Variants in USP13 observed in about 807,000 individuals in gnomAD.
The protein encoded by USP13 is ubiquitin specific peptidase 13.
USP13 carries 68 observed loss-of-function variants against 107.8 expected under a neutral mutation model. The observed-to-expected ratio is 0.63, with a 90% CI of 0.52 to 0.77. USP13 has a LOEUF of 0.77. USP13 is among the 30% of genes least tolerant of loss of function. The pLI, the probability that USP13 is intolerant of heterozygous loss-of-function variation, is 0.00. For synonymous variants in USP13, 377 were observed against 389.5 expected (o/e 0.97, Z 0.38); for missense variants, 945 against 1,093.3 (o/e 0.86, Z 1.91).
In USP13 at chr3:179,775,461, T is replaced by G. The variant is rs577750341; in HGVS notation, c.2414-6278T>G. Among the ~76,000 whole-genome samples the G allele has an allele frequency of 6.6e-5, 10 of 152,378 alleles. No homozygotes were observed. The South Asian group carries it at 2.1e-3, about 32-fold the overall frequency. On this transcript the variant is annotated intron_variant, in intron 19 of 20. Transcript: ENST00000263966. ...CAGGAGCCCAACTGGCTTTGCCTAG[T>G]GGATCCTGTGCCAGGGCCGTGGGTG...
intron 13 of USP13, among the ~76,000 whole-genome samples, chr3:179,746,881 G>A (rs1414206703): frequency 6.6e-6 from 1 of 152,120 alleles, no homozygotes; most frequent in Non-Finnish European, 1.5e-5. Flanking sequence ...TATATTATTT[G>A]TTCTCTGTGA....
chr3:179,703,264 TA>T (rs1396811887), intron 4 of USP13, among the ~76,000 whole-genome samples: 3 of 152,238 alleles, frequency 2.0e-5, no homozygotes, highest in Non-Finnish European at 4.4e-5. Flanking sequence ...CTAGTTACTA[TA>T]TTTTCTTTTC....
chr3:179,706,185 A>G (rs1010778760), intron 4 of USP13, among the ~76,000 whole-genome samples: 3 of 152,232 alleles, frequency 2.0e-5, no homozygotes, highest in Non-Finnish European at 2.9e-5. Flanking sequence ...ACTGTTTTCC[A>G]AAGTGGCTGT....
intron 12 of USP13, 47 bp from the exon 13 acceptor site, chr3:179,744,996 A>T (rs533995254): frequency 6.2e-7 from 1 of 1,602,668 alleles, no homozygotes; most frequent in East Asian, 2.2e-5. Context: ...TTTCATTTCC[A>T]CAGGGTAAGA....
intron 19 of USP13, among the ~76,000 whole-genome samples, chr3:179,777,443 C>CTTT (rs11317182): frequency 4.0e-4 from 45 of 113,664 alleles, no homozygotes; most frequent in African/African-American, 4.0e-4. Flanking sequence ...CTCTCTCTCT[C>CTTT]TTTTTTTTTT....
intron 19 of USP13, among the ~76,000 whole-genome samples, chr3:179,773,729 G>A (rs2108547517): frequency 6.6e-6 from 1 of 152,290 alleles, no homozygotes; most frequent in South Asian, 2.1e-4. Context: ...GAAATGTTAG[G>A]ATGAGATTGC....
intron 18 of USP13, among the ~76,000 whole-genome samples, chr3:179,765,323 A>G (rs1463412905): frequency 2.0e-5 from 3 of 152,252 alleles, no homozygotes; most frequent in Non-Finnish European, 2.9e-5. Flanking sequence ...AGTGTGTGCA[A>G]TTAAAGTGGC....
At chr3:179,715,003 G>A (rs550678246) in intron 6 of USP13, among the ~76,000 whole-genome samples, 1 of 149,442 alleles carries the variant, frequency 6.7e-6, no homozygotes, top group East Asian at 2.0e-4. Flanking sequence ...CCCAAGTACT[G>A]GGAGCACAGG....
At chr3:179,660,110 C>T (rs1335524163) in intron 1 of USP13, among the ~76,000 whole-genome samples, 4 of 152,076 alleles carry the variant, frequency 2.6e-5, no homozygotes, top group African/African-American at 7.2e-5. Flanking sequence ...AAATTACATT[C>T]GCATGGAAAC....
chr3:179,776,754 A>G (rs565236430), intron 19 of USP13, among the ~76,000 whole-genome samples: 2 of 152,308 alleles, frequency 1.3e-5, no homozygotes, highest in Admixed American at 6.5e-5. Context: ...AGTAAATAGG[A>G]AAGGCAGCTT....
chr3:179,753,092 G>T (rs1185929649), intron 14 of USP13, among the ~76,000 whole-genome samples: 2 of 152,178 alleles, frequency 1.3e-5, no homozygotes. Flanking sequence ...AGAATGTACA[G>T]TTTCTCAAGC....
At chr3:179,754,700 G>C (rs760186973) in intron 14 of USP13, 32 bp from the exon 15 acceptor site, 3 of 1,606,634 alleles carry the variant, frequency 1.9e-6, no homozygotes, top group East Asian at 2.2e-5. Context: ...ATTATGGAGA[G>C]CCCAGTGGAT....
At chr3:179,740,448 C>G in intron 11 of USP13, 76 bp downstream of exon 11, 1 of 1,586,742 alleles carries the variant, frequency 6.3e-7, no homozygotes, top group South Asian at 1.1e-5. Flanking sequence ...TCTGCTGTGG[C>G]TTGATCAGAA....
chr3:179,783,577 A>T (rs574958567), intron 20 of USP13, among the ~76,000 whole-genome samples: 10 of 152,334 alleles, frequency 6.6e-5, no homozygotes, highest in Non-Finnish European at 1.2e-4. Context: ...GCATTGTTGT[A>T]CATAATTCTT....
chr3:179,740,998 C>T (rs568732778), intron 11 of USP13, among the ~76,000 whole-genome samples: 17 of 152,018 alleles, frequency 1.1e-4, no homozygotes, highest in African/African-American at 4.1e-4. Flanking sequence ...AACTCCTGAC[C>T]TTGTGATCCA....
chr3:179,740,002 C>G (rs11918373), intron 10 of USP13, among the ~76,000 whole-genome samples: 1 of 152,024 alleles, frequency 6.6e-6, no homozygotes, highest in East Asian at 1.9e-4. Context: ...GTGTGTGTCA[C>G]CTATTGTCCT....
intron 4 of USP13, among the ~76,000 whole-genome samples, chr3:179,706,296 G>A (rs1473780219): frequency 1.3e-5 from 2 of 152,210 alleles, no homozygotes; most frequent in Non-Finnish European, 2.9e-5. Flanking sequence ...CATATGGCCA[G>A]AATCAATTGG....
Position 179,681,924 on chromosome 3 carries a change from T to C in USP13, c.215T>C (p.Phe72Ser). 1 of 1,614,106 alleles carries C rather than the reference T, an allele frequency of 6.2e-7. No homozygotes were observed. The highest frequency in any genetic ancestry group is 8.5e-7 in the Non-Finnish European group (1 of 1,179,986). Residue 72 changes from phenylalanine (F) to serine (S), a missense_variant, in exon 2 of 21, where the codon TTT becomes TCT. Physicochemically the swap from Phe to Ser is radical, Grantham distance 155. Coordinates refer to ENST00000263966, the MANE Select transcript of USP13 (RefSeq NM_003940.3). Reference protein sequence around the residue: ...LYVCMNTFLAFGREHVERHFR... With the variant: ...LYVCMNTFLASGREHVERHFR... ...GTATGCATGAATACATTTTTGGCCT[T>C]TGGAAGGGAACATGTTGAAAGACAT...
intron 18 of USP13, among the ~76,000 whole-genome samples, chr3:179,765,261 G>A (rs948223297): frequency 1.3e-5 from 2 of 152,132 alleles, no homozygotes; most frequent in Admixed American, 6.5e-5. Flanking sequence ...TACCACACTG[G>A]CATCCCTCTA....
Sources: gnomAD v4.1 joint callset for allele counts (sites outside exome capture counted in the v4.1 genomes callset) on GRCh38, gnomAD v4.1.1 for gene constraint, MANE v1.5 for transcripts, NCBI Gene and HGNC (gene_info 2026-07-23, HGNC 2026-07-21) for gene names.